The following C3orf85 variants were observed in gnomAD, a reference collection of about 807,000 sequenced individuals.
C3orf85 encodes chromosome 3 open reading frame 85.
Under a neutral mutation model 1.7 loss-of-function variants are expected in C3orf85, and 1 was observed. That is an observed-to-expected ratio of 0.60 (90% CI 0.21 to 2.86). The LOEUF is 2.86. Ranked by LOEUF, C3orf85 falls within the 30% of genes most tolerant of loss-of-function variation. The pLI is 0.22. For synonymous variants in C3orf85, 17 were observed against 8.0 expected, an observed-to-expected ratio of 2.13 and a Z score of -1.90; for missense variants, 29 against 21.3, an observed-to-expected ratio of 1.36 and a Z score of -0.72.
At position 109,136,726 on chromosome 3, in the gene C3orf85, C is replaced by T. The variant is rs1576771413; in HGVS notation, c.-20C>T. The T allele has an allele frequency of 3.0e-5, 12 of 396,254 alleles. No homozygotes were observed. The East Asian group carries it at 3.9e-4, about 13-fold the overall frequency. The allele number at this position is 396,254 out of a possible 1,614,324, so 24.5% of individuals were successfully genotyped here. A position where few individuals can be genotyped will look rare whatever the true frequency, so the allele number is the denominator to read the frequency against. On this transcript the variant is annotated 5_prime_UTR_variant, in exon 1 of 4. Coordinates refer to ENST00000622536, the MANE Select transcript of C3orf85 (RefSeq NM_001351622.2). Reference sequence around the variant, plus strand: ...ACCTCAGCCTCTCTCTGTGTCTCAGCTCACAGGGCTTCCAGGTATGCAACA... The same window carrying T: ...ACCTCAGCCTCTCTCTGTGTCTCAGTTCACAGGGCTTCCAGGTATGCAACA...
intron 2 of C3orf85, among the ~76,000 whole-genome samples, chr3:109,143,343 A>G (rs928663908): frequency 6.6e-6 from 1 of 152,136 alleles, no homozygotes; most frequent in African/African-American, 2.4e-5. Context: ...ATGTTTAAAG[A>G]GTTTTTTTCA....
At chr3:109,140,839 C>G (rs1416076771) in intron 2 of C3orf85, among the ~76,000 whole-genome samples, 1 of 152,150 alleles carries the variant, frequency 6.6e-6, no homozygotes, top group Non-Finnish European at 1.5e-5. Flanking sequence ...TTAAGTTAAA[C>G]CCAAGTGACA....
chr3:109,148,596 G>A (rs929506462), intron 3 of C3orf85: 8 of 502,866 alleles, frequency 1.6e-5, no homozygotes, highest in Non-Finnish European at 2.8e-5. Flanking sequence ...ATGTCCCTCT[G>A]AAGCCTTTCC....
intron 2 of C3orf85, among the ~76,000 whole-genome samples, chr3:109,147,003 A>G (rs1489948384): frequency 6.6e-6 from 1 of 152,138 alleles, no homozygotes; most frequent in Non-Finnish European, 1.5e-5. Flanking sequence ...ATTTTTTTAT[A>G]TAAAACTCTT....
At chr3:109,137,025 C>T in intron 2 of C3orf85, 129 bp downstream of exon 2, 1 of 387,334 alleles carries the variant, frequency 2.6e-6, no homozygotes, top group African/African-American at 2.1e-5. Context: ...ACTGGGGAAA[C>T]CAAACTATTG....
intron 2 of C3orf85, among the ~76,000 whole-genome samples, chr3:109,147,178 C>A (rs1706810183): frequency 6.6e-6 from 1 of 152,116 alleles, no homozygotes; most frequent in South Asian, 2.1e-4. Flanking sequence ...CCTACTTGTA[C>A]CCCAGTGTCT....
Position 109,151,152 on chromosome 3 carries a change from AC to A in C3orf85, c.*1259del, listed in dbSNP as rs1706864542. ...TTTAAATTACATCTGAACAAACAAA[AC>A]AAAGATGATGAATCATTTAGTTTTG... On this transcript the variant is annotated 3_prime_UTR_variant, in exon 4 of 4. Coordinates refer to ENST00000622536, the MANE Select transcript of C3orf85 (RefSeq NM_001351622.2). Among the ~76,000 whole-genome samples the A allele has an allele frequency of 6.6e-6, 1 of 152,244 alleles. No homozygotes were observed. The highest frequency in any genetic ancestry group is 6.5e-5 in the Admixed American group (1 of 15,278).
At position 109,142,880 on chromosome 3, in the gene C3orf85, T is replaced by C. The variant is rs534370907; in HGVS notation, c.50-5373T>C. On this transcript the variant is annotated intron_variant, in intron 2 of 3. Transcript: ENST00000622536. ...ATGGAAGGCAATCGATTTCCTTTATTCCTGAGAAGGGCTAATTTGGAAAAT... is the reference window on the plus strand; with the variant it reads ...ATGGAAGGCAATCGATTTCCTTTATCCCTGAGAAGGGCTAATTTGGAAAAT... Among the ~76,000 whole-genome samples the C allele has an allele frequency of 6.6e-5, 10 of 152,324 alleles. No individual in the cohort carries two copies. The East Asian group carries it at 1.2e-3, about 18-fold the overall frequency.
At chr3:109,138,102 G>A (rs1706701171) in intron 2 of C3orf85, among the ~76,000 whole-genome samples, 1 of 152,168 alleles carries the variant, frequency 6.6e-6, no homozygotes, top group Admixed American at 6.5e-5. Context: ...AATTTTTAAA[G>A]AGGCTTCAAA....
chr3:109,146,789 A>T (rs1237040737), intron 2 of C3orf85, among the ~76,000 whole-genome samples: 1 of 152,174 alleles, frequency 6.6e-6, no homozygotes, highest in Admixed American at 6.5e-5. Context: ...ATGGTTATGT[A>T]CGTCAGCCCT....
At chr3:109,139,703 C>A (rs1706722443) in intron 2 of C3orf85, among the ~76,000 whole-genome samples, 1 of 152,014 alleles carries the variant, frequency 6.6e-6, no homozygotes, top group African/African-American at 2.4e-5. Flanking sequence ...TGGAGTTGAC[C>A]CATACACGAA....
intron 2 of C3orf85, among the ~76,000 whole-genome samples, chr3:109,139,571 G>C (rs1020626469): frequency 6.6e-6 from 1 of 152,040 alleles, no homozygotes; most frequent in African/African-American, 2.4e-5. Flanking sequence ...ATTTATACTG[G>C]GTTTTTTTTG....
intron 2 of C3orf85, among the ~76,000 whole-genome samples, chr3:109,146,985 C>T (rs138462902): frequency 0.02 from 3,105 of 152,202 alleles, 63 homozygotes; most frequent in Non-Finnish European, 0.032. Flanking sequence ...TAAATGTTAA[C>T]TAATATTATT....
chr3:109,149,651 TA>T (rs1396169551), intron 3 of C3orf85, 153 bp from the exon 4 acceptor site: 20 of 383,432 alleles, frequency 5.2e-5, no homozygotes, highest in African/African-American at 4.1e-4. Flanking sequence ...AATAAACAGA[TA>T]ATTAAAAGTA....
chr3:109,137,637 G>GTATATATATATATA lies in C3orf85; in HGVS notation c.49+760_49+773dup, dbSNP rs1553767249. Among the ~76,000 whole-genome samples the GTATATATATATATA allele has an allele frequency of 3.1e-3, 245 of 79,828 alleles. 1 individual carries two copies. Among genetic ancestry groups the GTATATATATATATA allele is most frequent in the East Asian group, 6.7e-3 (15 of 2,252 alleles). The allele number at this position is 79,828 out of a possible 152,430, so 52.4% of individuals were successfully genotyped here. On this transcript the variant is annotated intron_variant, in intron 2 of 3. Transcript: ENST00000622536. ...TGTATATATGTGTGTGTGTGTGTGT[G>GTATATATATATATA]TATATATATATATATATATATATAT...
intron 2 of C3orf85, among the ~76,000 whole-genome samples, chr3:109,138,248 A>C (rs1706702772): frequency 6.6e-6 from 1 of 152,232 alleles, no homozygotes; most frequent in African/African-American, 2.4e-5. Flanking sequence ...AGTTTATGAA[A>C]TAGCAAGTTG....
intron 2 of C3orf85, among the ~76,000 whole-genome samples, chr3:109,144,114 T>A (rs139378529): frequency 6.6e-4 from 100 of 152,224 alleles, no homozygotes; most frequent in African/African-American, 1.8e-3. Flanking sequence ...TACATTTTTT[T>A]AAAAAACTCA....
At chr3:109,146,896 G>C (rs774260339) in intron 2 of C3orf85, among the ~76,000 whole-genome samples, 4 of 152,114 alleles carry the variant, frequency 2.6e-5, no homozygotes, top group Non-Finnish European at 5.9e-5. Context: ...CAAACTTGCT[G>C]GTTGGATTAT....
At chr3:109,141,311 A>C (rs1008947141) in intron 2 of C3orf85, among the ~76,000 whole-genome samples, 3 of 152,092 alleles carry the variant, frequency 2.0e-5, no homozygotes, top group Non-Finnish European at 4.4e-5. Context: ...TGAACAGGAC[A>C]CTAGGATATG....
Sources: allele counts gnomAD v4.1 joint callset (sites outside exome capture counted in the v4.1 genomes callset), GRCh38; gene constraint gnomAD v4.1.1; transcripts MANE v1.5; gene names NCBI Gene and HGNC (gene_info 2026-07-23, HGNC 2026-07-21).